The following CDYL variants were observed in gnomAD, a reference collection of about 807,000 sequenced individuals.
The protein encoded by CDYL is chromodomain Y like.
Under a neutral mutation model 47.3 loss-of-function variants are expected in CDYL, and 8 were observed. That is an observed-to-expected ratio of 0.17 (90% CI 0.10 to 0.31). The LOEUF is 0.31. Ranked by LOEUF, CDYL falls within the 10% of genes least tolerant of loss-of-function variation. CDYL has a pLI of 1.00. For missense variants in CDYL, 471 were observed against 701.4 expected (o/e 0.67, Z 3.71); for synonymous variants, 266 against 265.0 (o/e 1.00, Z -0.04).
Position 4,892,318 on chromosome 6 carries a change from G to T in CDYL, c.630G>T (p.Val210=). 1.9e-6 allele frequency: 3 copies of T among 1,614,042 alleles called. No individual in the cohort carries two copies. The highest frequency in any genetic ancestry group is 2.5e-6 in the Non-Finnish European group (3 of 1,179,992). ...MGSRPRIHPL[V]PQVPGPVTAA... is the part of the protein sequence containing the mutation. ...GCAGGCCCAGGATACACCCACTAGT[G>T]CCTCAGGTGCCCGGCCCTGTGACTG... is the stretch of plus-strand genomic sequence containing the variant. The change falls in exon 2 of 7, where the codon GTG becomes GTT. Residue 210 remains valine, a synonymous_variant. Coordinates refer to ENST00000397588, the MANE Select transcript of CDYL (RefSeq NM_004824.4).
intron 2 of CDYL, among the ~76,000 whole-genome samples, chr6:4,720,113 A>G (rs1163695563): frequency 6.6e-6 from 1 of 152,366 alleles, no homozygotes; most frequent in South Asian, 2.1e-4. Context: ...GAAGCTAGAA[A>G]GAGTTTCCTG....
At position 4,895,037 on chromosome 6, in the gene CDYL, GTATC is replaced by G. The variant is rs577205226; in HGVS notation, c.691+2662_691+2665del. On this transcript the variant is annotated intron_variant, in intron 2 of 6. Transcript: ENST00000397588. ...CATATATGTATGTATGTGTATATATGTATCTATATACACATGTACATATGGGTAT... is the reference window on the plus strand; with the variant it reads ...CATATATGTATGTATGTGTATATATGTATATACACATGTACATATGGGTAT... Among the ~76,000 whole-genome samples, 389 of 150,922 alleles carry G rather than the reference GTATC, an allele frequency of 2.6e-3. 3 individuals are homozygous for G. The highest frequency in any genetic ancestry group is 7.3e-3 in the African/African-American group (299 of 41,154).
intron 2 of CDYL, among the ~76,000 whole-genome samples, chr6:4,905,636 A>C (rs1316031735): frequency 6.6e-6 from 1 of 152,224 alleles, no homozygotes; most frequent in African/African-American, 2.4e-5. Flanking sequence ...TGCCTGGGTC[A>C]GAGCCGAAGG....
At chr6:4,737,944 A>G (rs1051812225) in intron 3 of CDYL, among the ~76,000 whole-genome samples, 1 of 152,268 alleles carries the variant, frequency 6.6e-6, no homozygotes, top group Non-Finnish European at 1.5e-5. Context: ...TAAAAAGTCA[A>G]AAGCCTAAAA....
chr6:4,834,892 A>G (rs1204569727), intron 1 of CDYL, among the ~76,000 whole-genome samples: 4 of 151,762 alleles, frequency 2.6e-5, no homozygotes, highest in Non-Finnish European at 5.9e-5. Context: ...TGTATTCTTC[A>G]CGTAGTTCTC....
chr6:4,913,310 A>C (rs1581259368), intron 2 of CDYL, among the ~76,000 whole-genome samples: 1 of 152,298 alleles, frequency 6.6e-6, no homozygotes, highest in East Asian at 1.9e-4. Flanking sequence ...CCATCTTTTA[A>C]AGCATTACAT....
intron 2 of CDYL, among the ~76,000 whole-genome samples, chr6:4,898,006 C>T (rs147846079): frequency 3.3e-5 from 5 of 151,580 alleles, no homozygotes; most frequent in African/African-American, 9.7e-5. Flanking sequence ...TGCTGTGAGC[C>T]GAGATCACGC....
At position 4,935,619 on chromosome 6, in the gene CDYL, A is replaced by G. The variant is rs1581277406; in HGVS notation, c.796A>G (p.Arg266Gly). 1 of 1,614,232 alleles carries G rather than the reference A, an allele frequency of 6.2e-7. No individual in the cohort carries two copies. The highest frequency in any genetic ancestry group is 8.5e-7 in the Non-Finnish European group (1 of 1,180,030). ...CAAAAGGAAATTTATTGACGACAGA[A>G]GAGACCAGCCTTTTGACAAGCGATT... is the stretch of plus-strand genomic sequence containing the variant. Reference protein sequence around the residue: ...ASKRKFIDDRRDQPFDKRLRF... With the variant: ...ASKRKFIDDRGDQPFDKRLRF... Residue 266 changes from arginine (R) to glycine (G), a missense_variant, in exon 3 of 7, where the codon AGA becomes GGA. By Grantham distance (125) the Arg-to-Gly change is moderately radical (BLOSUM62 -2). Coordinates refer to ENST00000397588, the MANE Select transcript of CDYL (RefSeq NM_004824.4).
chr6:4,891,150 C>T (rs568882646), intron 1 of CDYL, among the ~76,000 whole-genome samples: 7 of 152,216 alleles, frequency 4.6e-5, no homozygotes, highest in Admixed American at 6.5e-5. Context: ...ATAACCTGAT[C>T]GCTCTAGACT....
At chr6:4,940,082 C>T (rs777423802) in intron 4 of CDYL, among the ~76,000 whole-genome samples, 12 of 152,160 alleles carry the variant, frequency 7.9e-5, no homozygotes, top group Non-Finnish European at 1.6e-4. Flanking sequence ...CAGAGGAAAG[C>T]TAGATCCAGC....
chr6:4,803,369 T>C (rs147400586), intron 1 of CDYL, among the ~76,000 whole-genome samples: 28 of 152,334 alleles, frequency 1.8e-4, no homozygotes, highest in African/African-American at 6.5e-4. Flanking sequence ...TAGTTTTCTC[T>C]TGGCTATTAT....
chr6:4,903,533 A>G (rs961434094), intron 2 of CDYL, among the ~76,000 whole-genome samples: 2 of 152,220 alleles, frequency 1.3e-5, no homozygotes, highest in Admixed American at 1.3e-4. Flanking sequence ...AACTTCAACA[A>G]CAAGTGAAAT....
intron 3 of CDYL, among the ~76,000 whole-genome samples, chr6:4,937,026 A>G (rs1018082935): frequency 4.6e-5 from 7 of 152,214 alleles, no homozygotes; most frequent in African/African-American, 1.7e-4. Context: ...GTATCAGGCT[A>G]TGATGCATTT....
At chr6:4,825,220 G>A (rs1014511759) in intron 1 of CDYL, among the ~76,000 whole-genome samples, 7 of 152,100 alleles carry the variant, frequency 4.6e-5, no homozygotes, top group Non-Finnish European at 5.9e-5. Context: ...CTTTTGGTTA[G>A]CATGCATTGC....
intron 3 of CDYL, among the ~76,000 whole-genome samples, chr6:4,756,707 A>C (rs1279333595): frequency 1.3e-5 from 2 of 152,172 alleles, no homozygotes; most frequent in Non-Finnish European, 2.9e-5. Flanking sequence ...AAATGAGTTT[A>C]CATGTAAATC....
intron 5 of CDYL, among the ~76,000 whole-genome samples, chr6:4,950,795 G>A (rs897976913): frequency 6.6e-6 from 1 of 152,138 alleles, no homozygotes; most frequent in Non-Finnish European, 1.5e-5. Flanking sequence ...AGCCGGGCGT[G>A]GTGGCGGGCG....
At chr6:4,756,602 G>GTGTGTT (rs1758079669) in intron 3 of CDYL, among the ~76,000 whole-genome samples, 1 of 151,890 alleles carries the variant, frequency 6.6e-6, no homozygotes, top group African/African-American at 2.4e-5. Context: ...GTGTGTGTGT[G>GTGTGTT]TGTGTGTGTG....
At chr6:4,947,341 G>A (rs150568156) in intron 5 of CDYL, among the ~76,000 whole-genome samples, 37 of 152,288 alleles carry the variant, frequency 2.4e-4, no homozygotes, top group African/African-American at 6.7e-4. Flanking sequence ...ACCCAGAAGC[G>A]CCTATACCAA....
chr6:4,878,522 C>T (rs808632), intron 1 of CDYL, among the ~76,000 whole-genome samples: 7,553 of 151,744 alleles, frequency 0.05, 604 homozygotes, highest in African/African-American at 0.17. Context: ...TCAGTTTTGG[C>T]AAGTTGTATT....
Sources: allele counts gnomAD v4.1 joint callset (sites outside exome capture counted in the v4.1 genomes callset), GRCh38; gene constraint gnomAD v4.1.1; transcripts MANE v1.5; gene names NCBI Gene and HGNC (gene_info 2026-07-23, HGNC 2026-07-21).